Variants in CCSER1 observed in about 807,000 individuals in gnomAD.
CCSER1 encodes coiled-coil serine rich protein 1.
CCSER1 carries 41 observed loss-of-function variants against 82.0 expected under a neutral mutation model. The ratio of observed to expected loss-of-function variants is 0.50; its 90% CI spans 0.39 to 0.65. The LOEUF (loss-of-function observed/expected upper bound fraction) is 0.65, where lower values mean the gene tolerates loss of function less well. Among genes scored for constraint, CCSER1 ranks in the 30% least tolerant of loss-of-function variants. CCSER1 has a pLI of 0.00. For synonymous variants in CCSER1, 414 were observed against 383.9 expected, an observed-to-expected ratio of 1.08 and a Z score of -0.92; for missense variants, 1,119 against 1,064.2, an observed-to-expected ratio of 1.05 and a Z score of -0.72.
chr4:91,015,679 T>C (rs974075226), intron 9 of CCSER1, among the ~76,000 whole-genome samples: 2 of 151,904 alleles, frequency 1.3e-5, no homozygotes, highest in Non-Finnish European at 2.9e-5. Context: ...TCTATAAACA[T>C]ATTAGCAATT....
chr4:90,181,959 A>C (rs553282929), intron 1 of CCSER1, among the ~76,000 whole-genome samples: 2 of 152,258 alleles, frequency 1.3e-5, no homozygotes, highest in East Asian at 3.9e-4. Flanking sequence ...TTTGGGTCAT[A>C]GGATTTGGGA....
intron 9 of CCSER1, among the ~76,000 whole-genome samples, chr4:90,966,660 G>A (rs1157893151): frequency 1.3e-5 from 2 of 152,060 alleles, no homozygotes; most frequent in Non-Finnish European, 2.9e-5. Context: ...GGGATAAAGA[G>A]CAACTGTATA....
At chr4:90,850,252 T>C (rs1391319536) in intron 8 of CCSER1, among the ~76,000 whole-genome samples, 1 of 152,166 alleles carries the variant, frequency 6.6e-6, no homozygotes, top group Non-Finnish European at 1.5e-5. Context: ...GCTTCAGGGG[T>C]GGAGCCCTCA....
At chr4:90,538,433 GATAA>G (rs920767828) in intron 5 of CCSER1, among the ~76,000 whole-genome samples, 59 of 152,084 alleles carry the variant, frequency 3.9e-4, no homozygotes, top group African/African-American at 1.3e-3. Context: ...TATTATGGGA[GATAA>G]ATAGTTATAT....
intron 5 of CCSER1, among the ~76,000 whole-genome samples, chr4:90,494,189 G>A (rs1280004490): frequency 6.6e-6 from 1 of 152,178 alleles, no homozygotes; most frequent in Non-Finnish European, 1.5e-5. Flanking sequence ...TAATGGTAAA[G>A]GGATCAATTC....
At chr4:90,657,779 T>G (rs1462742988) in intron 6 of CCSER1, among the ~76,000 whole-genome samples, 4 of 152,338 alleles carry the variant, frequency 2.6e-5, no homozygotes, top group South Asian at 4.1e-4. Flanking sequence ...TTGAACACAT[T>G]AATTACAATT....
chr4:90,715,487 A>G (rs575182512), intron 6 of CCSER1, among the ~76,000 whole-genome samples: 1 of 152,144 alleles, frequency 6.6e-6, no homozygotes, highest in Admixed American at 6.6e-5. Flanking sequence ...AGTAATTGGA[A>G]TTGTATCACA....
chr4:90,255,890 T>C (rs147688034), intron 1 of CCSER1, among the ~76,000 whole-genome samples: 1 of 152,258 alleles, frequency 6.6e-6, no homozygotes, highest in Non-Finnish European at 1.5e-5. Context: ...TAGGAACTTG[T>C]CATTCACTTT....
At chr4:90,721,854 G>T (rs1742735635) in intron 6 of CCSER1, among the ~76,000 whole-genome samples, 1 of 150,968 alleles carries the variant, frequency 6.6e-6, no homozygotes. Context: ...ATCAGCTGTT[G>T]TCATACGAGA....
intron 9 of CCSER1, among the ~76,000 whole-genome samples, chr4:90,957,252 C>CCT (rs1554050087): frequency 6.8e-6 from 1 of 147,558 alleles, no homozygotes. Flanking sequence ...CAGGCCCCCC[C>CCT]CACCACGTCC....
chr4:90,546,642 G>T (rs945623245), intron 5 of CCSER1, among the ~76,000 whole-genome samples: 1 of 151,936 alleles, frequency 6.6e-6, no homozygotes, highest in African/African-American at 2.4e-5. Context: ...TTTTAACTCA[G>T]AAAATGAGTG....
chr4:90,713,023 GA>G (rs1283914212), intron 6 of CCSER1, among the ~76,000 whole-genome samples: 1 of 148,180 alleles, frequency 6.7e-6, no homozygotes. Context: ...CCTTAATTTT[GA>G]GCCTATGTTT....
At chr4:91,311,738 T>C (rs1192952770) in intron 10 of CCSER1, among the ~76,000 whole-genome samples, 2 of 152,118 alleles carry the variant, frequency 1.3e-5, no homozygotes, top group Non-Finnish European at 1.5e-5. Context: ...TGTGATGAAT[T>C]TAGCTTACAT....
At chr4:90,168,304 C>A (rs1486716040) in intron 1 of CCSER1, among the ~76,000 whole-genome samples, 1 of 151,994 alleles carries the variant, frequency 6.6e-6, no homozygotes, top group African/African-American at 2.4e-5. Context: ...TATCCTTTGC[C>A]CACTTTTTGA....
chr4:90,432,797 A>T (rs1046349533), intron 4 of CCSER1, among the ~76,000 whole-genome samples: 1 of 152,138 alleles, frequency 6.6e-6, no homozygotes, highest in Non-Finnish European at 1.5e-5. Context: ...AACAATGAAC[A>T]TTAAAAACCA....
At chr4:91,392,639 G>C (rs1431708343) in intron 10 of CCSER1, among the ~76,000 whole-genome samples, 1 of 151,996 alleles carries the variant, frequency 6.6e-6, no homozygotes, top group Non-Finnish European at 1.5e-5. Context: ...TAGCTCATTT[G>C]CACAGTTACT....
At chr4:91,102,503 A>G (rs773941791) in intron 10 of CCSER1, among the ~76,000 whole-genome samples, 2 of 152,208 alleles carry the variant, frequency 1.3e-5, no homozygotes, top group Non-Finnish European at 1.5e-5. Context: ...TTACAAAGAG[A>G]TGAGGACCAA....
At chr4:91,524,343 G>A (rs2110150679) in intron 10 of CCSER1, among the ~76,000 whole-genome samples, 1 of 152,266 alleles carries the variant, frequency 6.6e-6, no homozygotes, top group East Asian at 1.9e-4. Context: ...TTAGTCATAA[G>A]TAAAAATAAG....
chr4:90,442,679 C>A (rs1488301019), intron 4 of CCSER1, among the ~76,000 whole-genome samples: 2 of 152,084 alleles, frequency 1.3e-5, no homozygotes, highest in Non-Finnish European at 2.9e-5. Flanking sequence ...ATAAGTGAGC[C>A]CTTGGTTCAT....
Sources: allele counts gnomAD v4.1 joint callset (sites outside exome capture counted in the v4.1 genomes callset), GRCh38; gene constraint gnomAD v4.1.1; transcripts MANE v1.5; gene names NCBI Gene and HGNC (gene_info 2026-07-23, HGNC 2026-07-21).